GABRR1: variants seen among roughly 807,000 people sequenced by gnomAD.
GABRR1 encodes gamma-aminobutyric acid type A receptor subunit rho1.
In GABRR1, 59 loss-of-function variants were observed where a neutral mutation model predicts 55.5. The observed-to-expected ratio is 1.06, with a 90% confidence interval of 0.86 to 1.32. The LOEUF (loss-of-function observed/expected upper bound fraction) is 1.32, where lower values mean the gene tolerates loss of function less well. Among genes scored for constraint, GABRR1 ranks in the 40% most tolerant of loss-of-function variants. The pLI is 0.00. For missense variants in GABRR1, 602 were observed against 619.1 expected, an observed-to-expected ratio of 0.97 and a Z score of 0.29; for synonymous variants, 213 against 226.0, an observed-to-expected ratio of 0.94 and a Z score of 0.51.
At chr6:89,211,374 C>T (rs563370241) in intron 1 of GABRR1, among the ~76,000 whole-genome samples, 4 of 152,274 alleles carry the variant, frequency 2.6e-5, no homozygotes, top group African/African-American at 9.6e-5. Context: ...CCCTAAAACT[C>T]TCCTGTCTTC....
intron 1 of GABRR1, among the ~76,000 whole-genome samples, chr6:89,231,035 T>A (rs1773280284): frequency 1.3e-5 from 2 of 151,862 alleles, no homozygotes; most frequent in Admixed American, 6.5e-5. Context: ...TCCAGGTGCG[T>A]CCATCACCCC....
chr6:89,197,328 C>T (rs1417045010), intron 5 of GABRR1, among the ~76,000 whole-genome samples: 1 of 152,208 alleles, frequency 6.6e-6, no homozygotes, highest in Admixed American at 6.5e-5. Flanking sequence ...CAGACCACAG[C>T]AAGTGACCAC....
intron 1 of GABRR1, among the ~76,000 whole-genome samples, chr6:89,216,690 A>G (rs1383047628): frequency 1.3e-5 from 2 of 152,190 alleles, no homozygotes; most frequent in African/African-American, 4.8e-5. Context: ...TGGCCCTCCC[A>G]ATTTATAGGT....
intron 6 of GABRR1, among the ~76,000 whole-genome samples, chr6:89,188,866 C>T (rs1480416220): frequency 6.6e-6 from 1 of 152,024 alleles, no homozygotes; most frequent in African/African-American, 2.4e-5. Flanking sequence ...GTGCAAGCTT[C>T]CTGAAATCCC....
chr6:89,198,141 TG>T lies in GABRR1; in HGVS notation c.450del (p.Lys151ArgfsTer44). On this transcript the variant is annotated frameshift_variant, in exon 5 of 10. Transcript: ENST00000454853. LOFTEE classifies it high-confidence loss of function. Reference protein sequence around the residue: ...NLSMTFDGRLVKKIWVPDMFF... With the variant: ...NLSMTFDGRLXKKIWVPDMFF... The stretch of plus-strand genomic sequence containing the variant: ...AACATGTCAGGGACCCAGATCTTCT[TG>T]ACCAGCCGGCCGTCAAACGTCATGC... The T allele has an allele frequency of 6.2e-7, 1 of 1,614,100 alleles. No individual in the cohort carries two copies. Among genetic ancestry groups the T allele is most frequent in the Non-Finnish European group, 8.5e-7 (1 of 1,180,016 alleles).
At chr6:89,200,027 GAATC>G (rs1772414353) in intron 3 of GABRR1, among the ~76,000 whole-genome samples, 1 of 152,058 alleles carries the variant, frequency 6.6e-6, no homozygotes, top group African/African-American at 2.4e-5. Context: ...ATAATGAAGG[GAATC>G]AATTCCTGCC....
At position 89,203,429 on chromosome 6, in the gene GABRR1, C is replaced by T; in HGVS notation, c.173+6G>A. 1.2e-6 allele frequency: 2 copies of T among 1,612,360 alleles called. No individual in the cohort carries two copies. Among genetic ancestry groups the T allele is most frequent in the South Asian group, 2.2e-5 (2 of 91,030 alleles). On this transcript the variant is annotated splice_donor_region_variant and intron_variant, in intron 2 of 9. Transcript: ENST00000454853. ...CAGAACAGTGTGCACGTGCTTATGG[C>T]CATACCTGACTTGCTTGTGGGCATC...
chr6:89,199,526 G>A (rs1313771470), intron 3 of GABRR1, 97 bp from the exon 4 acceptor site: 7 of 1,137,196 alleles, frequency 6.2e-6, no homozygotes, highest in Non-Finnish European at 7.8e-6. Context: ...GAACCTCAAT[G>A]TCATATCAGA....
At position 89,214,869 on chromosome 6, in the gene GABRR1, A is replaced by T. The variant is rs181055284; in HGVS notation, c.122+2332T>A. On this transcript the variant is annotated intron_variant, in intron 1 of 9. Transcript: ENST00000454853. ...GTGAGACCCTGTCTATAGAAAAAAA[A>T]ATTTTTTTAATTAGCCAGGCATGGT... Among the ~76,000 whole-genome samples the T allele has an allele frequency of 1.6e-3, 248 of 152,188 alleles. 1 individual carries two copies. Among genetic ancestry groups the T allele is most frequent in the African/African-American group, 4.8e-3 (201 of 41,522 alleles).
chr6:89,201,806 C>T (rs1229048452), intron 2 of GABRR1, among the ~76,000 whole-genome samples: 1 of 151,480 alleles, frequency 6.6e-6, no homozygotes, highest in Non-Finnish European at 1.5e-5. Context: ...TACCGATGCC[C>T]AGGCCCCACC....
At chr6:89,182,502 C>T (rs1582373701) in intron 7 of GABRR1, among the ~76,000 whole-genome samples, 1 of 152,224 alleles carries the variant, frequency 6.6e-6, no homozygotes, top group South Asian at 2.1e-4. Flanking sequence ...GTTCACCAGG[C>T]TGGTCTCGAA....
At chr6:89,192,422 G>GCACACA (rs149539482) in intron 5 of GABRR1, among the ~76,000 whole-genome samples, 1 of 152,010 alleles carries the variant, frequency 6.6e-6, no homozygotes, top group East Asian at 1.9e-4. Context: ...CAAACTGCAG[G>GCACACA]CACACACACA....
intron 2 of GABRR1, 73 bp downstream of exon 2, chr6:89,203,359 CCTG>C (rs1473956441): frequency 2.2e-5 from 28 of 1,293,264 alleles, no homozygotes; most frequent in Non-Finnish European, 2.8e-5. Context: ...GGGGAGGGGC[CCTG>C]CTGAAAATCA....
chr6:89,215,508 AT>A (rs1487420095), intron 1 of GABRR1, among the ~76,000 whole-genome samples: 5 of 152,234 alleles, frequency 3.3e-5, no homozygotes, highest in Non-Finnish European at 7.3e-5. Flanking sequence ...AGACAGCAGA[AT>A]GATGGTTACC....
chr6:89,199,546 T>C (rs1582392423), intron 3 of GABRR1, 117 bp from the exon 4 acceptor site: 1 of 917,872 alleles, frequency 1.1e-6, no homozygotes, highest in East Asian at 2.7e-5. Flanking sequence ...ATTTGGAGGT[T>C]TGGTCATGGC....
upstream of GABRR1, chr6:89,217,400 T>C (rs531252978): frequency 6.6e-7 from 1 of 1,514,614 alleles, no homozygotes; most frequent in Non-Finnish European, 9.0e-7. Context: ...TAAGACATTA[T>C]TGGTCTGTTC....
rs139781682 is a variant in GABRR1 at position 89,223,373 on chromosome 6, A to G, written c.-410-1927T>C. ...ATCCATCCAGGTTGCTGTGAATGCC[A>G]TTAATTCATTCCTTTTTATGGCTGA... On this transcript the variant is annotated intron_variant, in intron 1 of 11. Transcript: ENST00000369451. Among the ~76,000 whole-genome samples, 790 of 152,282 alleles carry G rather than the reference A, an allele frequency of 5.2e-3. 1 individual carries two copies. Among genetic ancestry groups the G allele is most frequent in the Middle Eastern group, 0.01 (3 of 294 alleles).
chr6:89,197,436 T>G (rs1772332778), intron 5 of GABRR1, among the ~76,000 whole-genome samples: 1 of 152,230 alleles, frequency 6.6e-6, no homozygotes, highest in South Asian at 2.1e-4. Context: ...ACTGTGGAGC[T>G]GTGTTTAAGG....
At chr6:89,220,846 G>A (rs749008588), upstream of GABRR1, among the ~76,000 whole-genome samples, 2 of 151,886 alleles carry the variant, frequency 1.3e-5, no homozygotes, top group Non-Finnish European at 1.5e-5. Context: ...TCAGCCTCCC[G>A]AGTAGCTGGG....
Sources: gnomAD v4.1 joint callset for allele counts (sites outside exome capture counted in the v4.1 genomes callset) on GRCh38, gnomAD v4.1.1 for gene constraint, MANE v1.5 for transcripts, NCBI Gene and HGNC (gene_info 2026-07-23, HGNC 2026-07-21) for gene names.